The following RASA1 variants were observed in gnomAD, a reference collection of about 807,000 sequenced individuals.
The protein encoded by RASA1 is RAS p21 protein activator 1.
Under a neutral mutation model 132.2 loss-of-function variants are expected in RASA1, and 25 were observed. The observed-to-expected ratio is 0.19, with a 90% CI of 0.14 to 0.26. The LOEUF is 0.26. Among genes scored for constraint, RASA1 ranks in the 10% least tolerant of loss-of-function variants. The pLI is 1.00. For synonymous variants in RASA1, 477 were observed against 449.9 expected (o/e 1.06, Z -0.76); for missense variants, 964 against 1,299.2 (o/e 0.74, Z 3.97).
At chr5:87,307,415 C>G (rs531463372) in intron 1 of RASA1, among the ~76,000 whole-genome samples, 117 of 152,134 alleles carry the variant, frequency 7.7e-4, no homozygotes, top group Middle Eastern at 3.4e-3. Flanking sequence ...GAGCCGAGAT[C>G]GTGCCACTGC....
At chr5:87,269,055 G>C (rs1405965051) in intron 1 of RASA1, 65 bp downstream of exon 1, 8 of 1,613,998 alleles carry the variant, frequency 5.0e-6, no homozygotes, top group Non-Finnish European at 6.8e-6. Context: ...GAAATGAAGG[G>C]GTAAATCATA....
chr5:87,334,253 A>G (rs1757800993), intron 4 of RASA1, among the ~76,000 whole-genome samples: 2 of 152,186 alleles, frequency 1.3e-5, no homozygotes, highest in South Asian at 2.1e-4. Flanking sequence ...GGTGTAAATC[A>G]TAGTCTGAGG....
rs1491365794 is a variant in RASA1, at chr5:87,338,533, A to ATATATATATATATATATAT, written c.1017+442_1017+443insTATATATATATATATATAT. On this transcript the variant is annotated intron_variant, in intron 5 of 24. Transcript: ENST00000274376. ...TATATATATATATATATATATATATAAAATTTTTTTTTTTTTTAAGTAGAA... is the reference window on the plus strand; with the variant it reads ...TATATATATATATATATATATATATATATATATATATATATATATAAATTTTTTTTTTTTTTAAGTAGAA... Among the ~76,000 whole-genome samples, 110 of 91,224 alleles carry ATATATATATATATATATAT rather than the reference A, an allele frequency of 1.2e-3. 3 individuals are homozygous for ATATATATATATATATATAT. The highest frequency in any genetic ancestry group is 2.6e-3 in the East Asian group (6 of 2,324). The allele number at this position is 91,224 out of a possible 152,430, so 59.8% of individuals were successfully genotyped here.
At chr5:87,362,945 A>AT (rs1760228571) in intron 10 of RASA1, among the ~76,000 whole-genome samples, 1 of 149,750 alleles carries the variant, frequency 6.7e-6, no homozygotes. Flanking sequence ...CACATGGCAC[A>AT]TTCATAATAT....
At chr5:87,285,825 G>T (rs983488595) in intron 1 of RASA1, among the ~76,000 whole-genome samples, 12 of 151,490 alleles carry the variant, frequency 7.9e-5, no homozygotes, top group African/African-American at 2.2e-4. Flanking sequence ...CGCCATGTTG[G>T]CCAGGCTGCT....
chr5:87,301,221 A>G (rs1755346836), intron 1 of RASA1, among the ~76,000 whole-genome samples: 1 of 152,320 alleles, frequency 6.6e-6, no homozygotes, highest in East Asian at 1.9e-4. Flanking sequence ...ATGTATATGT[A>G]TAATTACATA....
chr5:87,333,192 T>C lies in RASA1; in HGVS notation c.829-75T>C, dbSNP rs1239092299. 9 of 1,567,426 alleles carry C rather than the reference T, an allele frequency of 5.7e-6. No homozygotes were observed. The African/African-American group carries it at 1.2e-4, about 22-fold the overall frequency. ...TTCTAATGTGAATTTTTATTGGCTT[T>C]ATGTGGATATACCTCTTTTGACTTT... On this transcript the variant is annotated intron_variant, in intron 3 of 24. Transcript: ENST00000274376.
At chr5:87,302,914 G>A (rs971711079) in intron 1 of RASA1, among the ~76,000 whole-genome samples, 4 of 151,964 alleles carry the variant, frequency 2.6e-5, no homozygotes, top group Admixed American at 6.6e-5. Flanking sequence ...GGAGATGAAC[G>A]TATTTGCCTG....
At chr5:87,351,968 T>C (rs1759311228) in intron 8 of RASA1, among the ~76,000 whole-genome samples, 1 of 151,852 alleles carries the variant, frequency 6.6e-6, no homozygotes, top group South Asian at 2.1e-4. Context: ...GATTTGGTGC[T>C]TTTTGCTTTA....
chr5:87,357,839 A>G (rs759041981), intron 9 of RASA1, among the ~76,000 whole-genome samples: 6 of 152,196 alleles, frequency 3.9e-5, no homozygotes, highest in African/African-American at 9.7e-5. Flanking sequence ...CAAACCTCCA[A>G]TTGGTTTTGC....
rs553261653 is a variant in RASA1, at chr5:87,353,710, A to G, written c.1332+475A>G. 6.6e-5 allele frequency among the ~76,000 whole-genome samples: 10 copies of G among 152,250 alleles called. No homozygotes were observed. In the East Asian group the frequency reaches 1.7e-3, roughly 26 times the overall value. ...GAGTGAAAACTGTATAGTAGTAAAG[A>G]GGAGAGTGAAGTTGTATGGGGAGAT... On this transcript the variant is annotated intron_variant, in intron 9 of 24. Transcript: ENST00000274376.
chr5:87,279,788 C>T (rs555257869), intron 1 of RASA1, among the ~76,000 whole-genome samples: 62 of 152,296 alleles, frequency 4.1e-4, no homozygotes, highest in African/African-American at 1.4e-3. Context: ...CAATAAGATA[C>T]ATGCATATAT....
At chr5:87,339,282 A>G (rs1162879862) in intron 5 of RASA1, among the ~76,000 whole-genome samples, 2 of 152,170 alleles carry the variant, frequency 1.3e-5, no homozygotes, top group African/African-American at 2.4e-5. Flanking sequence ...AAATGGTGTG[A>G]TACAGTCCAT....
At chr5:87,388,402 G>A (rs776671955) in intron 23 of RASA1, among the ~76,000 whole-genome samples, 72 of 152,274 alleles carry the variant, frequency 4.7e-4, no homozygotes, top group Admixed American at 3.1e-3. Context: ...AGTACAGGTT[G>A]AGTATCCCTA....
In RASA1 at chr5:87,377,050, G is replaced by A; in HGVS notation, c.2344+10G>A. On this transcript the variant is annotated intron_variant, in intron 17 of 24. Coordinates refer to ENST00000274376, the MANE Select transcript of RASA1 (RefSeq NM_002890.3). ...GAAATAAGCATGGAAGGTATGGTAT[G>A]GCCATGTTAGTGTGATACAAGAAAC... 2 of 1,610,618 alleles carry A rather than the reference G, an allele frequency of 1.2e-6. No homozygotes were observed. The highest frequency in any genetic ancestry group is 1.7e-6 in the Non-Finnish European group (2 of 1,177,112).
chr5:87,389,963 G>A (rs1433633277), intron 24 of RASA1, among the ~76,000 whole-genome samples: 2 of 152,150 alleles, frequency 1.3e-5, no homozygotes, highest in African/African-American at 2.4e-5. Flanking sequence ...ACATCCAGAG[G>A]TTCTGAAGTG....
At chr5:87,280,889 T>A (rs1196048059) in intron 1 of RASA1, among the ~76,000 whole-genome samples, 1 of 148,658 alleles carries the variant, frequency 6.7e-6, no homozygotes, top group African/African-American at 2.5e-5. Context: ...CCCGAGTAGC[T>A]GGACTACCGG....
At position 87,341,335 on chromosome 5, in the gene RASA1, A is replaced by T. The variant is rs2112398215; in HGVS notation, c.1049+14A>T. 1 of 1,297,110 alleles carries T rather than the reference A, an allele frequency of 7.7e-7. No individual in the cohort carries two copies. The highest frequency in any genetic ancestry group is 9.7e-7 in the Non-Finnish European group (1 of 1,026,234). 80.4% of individuals were successfully genotyped at this position (1,297,110 alleles called of 1,614,324 possible). ...TGAAGGAAAAATGTGAGTTTGTGTT[A>T]ATTATTAAAATGAAAAAAAAAATCT... On this transcript the variant is annotated intron_variant, in intron 6 of 24. Coordinates refer to ENST00000274376, the MANE Select transcript of RASA1 (RefSeq NM_002890.3).
rs767838565 is a variant in RASA1 at position 87,331,249 on chromosome 5, T to C, written c.540-99T>C. 6 of 1,236,272 alleles carry C rather than the reference T, an allele frequency of 4.9e-6. No homozygotes were observed. In the East Asian group the frequency reaches 1.2e-4, roughly 24 times the overall value. 76.6% of individuals were successfully genotyped at this position (1,236,272 alleles called of 1,614,324 possible). On this transcript the variant is annotated intron_variant, in intron 1 of 24. Coordinates refer to ENST00000274376, the MANE Select transcript of RASA1 (RefSeq NM_002890.3). The stretch of plus-strand genomic sequence containing the variant: ...GTAAAATGTAAATGTTTAAGTTACA[T>C]GTAGGCATTTAAAACCTCTAGTAGT...
Sources: gnomAD v4.1 joint callset for allele counts (sites outside exome capture counted in the v4.1 genomes callset) on GRCh38, gnomAD v4.1.1 for gene constraint, MANE v1.5 for transcripts, NCBI Gene and HGNC (gene_info 2026-07-23, HGNC 2026-07-21) for gene names.